The following GLIS3 variants were observed in gnomAD, a reference collection of about 807,000 sequenced individuals.
GLIS3 encodes GLIS family zinc finger 3.
A neutral mutation model predicts 78.6 loss-of-function variants in GLIS3; 53 were observed. That is an observed-to-expected ratio of 0.67 (90% CI 0.54 to 0.85). The LOEUF (loss-of-function observed/expected upper bound fraction) is 0.85, where lower values mean the gene tolerates loss of function less well. GLIS3 is among the 40% of genes least tolerant of loss of function. The probability of loss-of-function intolerance (pLI) is 0.00; values close to 1 mark genes in which losing one functional copy is unlikely to be tolerated. For synonymous variants in GLIS3, 684 were observed against 509.9 expected (o/e 1.34, Z -4.60); for missense variants, 1,703 against 1,231.1 (o/e 1.38, Z -5.74).
intron 2 of GLIS3, among the ~76,000 whole-genome samples, chr9:4,187,074 C>T (rs911664053): frequency 6.6e-6 from 1 of 152,166 alleles, no homozygotes; most frequent in Non-Finnish European, 1.5e-5. Context: ...CTTGCCCATG[C>T]CTATGTCCTG....
intron 4 of GLIS3, among the ~76,000 whole-genome samples, chr9:3,985,959 T>G (rs1819710933): frequency 6.6e-6 from 1 of 152,198 alleles, no homozygotes; most frequent in African/African-American, 2.4e-5. Context: ...AATTAAAAAT[T>G]CATTTGTGGA....
At chr9:3,848,299 A>C (rs942137905) in intron 9 of GLIS3, among the ~76,000 whole-genome samples, 7 of 152,094 alleles carry the variant, frequency 4.6e-5, no homozygotes, top group Non-Finnish European at 1.0e-4. Flanking sequence ...TCGGGAGTTC[A>C]AGAGCAGCCT....
chr9:3,847,046 C>T (rs4740741), intron 9 of GLIS3, among the ~76,000 whole-genome samples: 35,815 of 151,900 alleles, frequency 0.24, 4,399 homozygotes, highest in South Asian at 0.38. Flanking sequence ...TAGCCAGGTG[C>T]AGTGGCAAGC....
chr9:4,301,166 AGCCTGGTTT>A (rs1817055299), upstream of GLIS3, among the ~76,000 whole-genome samples: 2 of 151,600 alleles, frequency 1.3e-5, no homozygotes, highest in Non-Finnish European at 2.9e-5. Context: ...AACCAAAAGA[AGCCTGGTTT>A]CCACAGTACT....
intron 2 of GLIS3, among the ~76,000 whole-genome samples, chr9:4,213,893 C>G (rs1820584144): frequency 1.4e-5 from 2 of 146,484 alleles, no homozygotes; most frequent in Admixed American, 1.4e-4. Flanking sequence ...GGAGGTTATG[C>G]TTTAATAGGG....
At chr9:4,427,544 G>A in the GLIS3 span, among the ~76,000 whole-genome samples, 2 of 152,146 alleles carry the variant, frequency 1.3e-5, no homozygotes, top group African/African-American at 4.8e-5. Flanking sequence ...CATGTGACAA[G>A]AGATGCATAC....
At chr9:3,987,528 C>T (rs1819840308) in intron 4 of GLIS3, among the ~76,000 whole-genome samples, 1 of 151,312 alleles carries the variant, frequency 6.6e-6, no homozygotes, top group African/African-American at 2.4e-5. Context: ...ATGGTGAAAC[C>T]CTGTCTCTAC....
rs190008155 is a variant in GLIS3 at position 4,210,600 on chromosome 9, A to T, written c.388+75438T>A. ...CCCTGGGACTCTTTTCTTATGTGGG[A>T]ATTCTACAATGCAGAAAACTTAAGT... On this transcript the variant is annotated intron_variant, in intron 2 of 10. Transcript: ENST00000381971. 3.9e-5 allele frequency among the ~76,000 whole-genome samples: 6 copies of T among 152,294 alleles called. No individual in the cohort carries two copies. The East Asian group carries it at 1.2e-3, about 29-fold the overall frequency.
intron 2 of GLIS3, among the ~76,000 whole-genome samples, chr9:4,145,662 G>C (rs10119226): frequency 0.38 from 56,963 of 151,688 alleles, 11,159 homozygotes; most frequent in South Asian, 0.45. Context: ...CCCTCTGTCA[G>C]AGGGACCTAA....
intron 8 of GLIS3, among the ~76,000 whole-genome samples, chr9:3,857,372 TA>T (rs1748125076): frequency 6.6e-6 from 1 of 152,112 alleles, no homozygotes; most frequent in Non-Finnish European, 1.5e-5. Context: ...CCATAGATGA[TA>T]AAAAGGGAAG....
chr9:4,113,796 C>T (rs1239547191), intron 4 of GLIS3, among the ~76,000 whole-genome samples: 3 of 152,154 alleles, frequency 2.0e-5, no homozygotes, highest in Non-Finnish European at 4.4e-5. Flanking sequence ...TCCAATGTTA[C>T]TTAAAAAGCA....
chr9:3,920,697 T>C (rs1824829417), intron 6 of GLIS3, among the ~76,000 whole-genome samples: 1 of 151,520 alleles, frequency 6.6e-6, no homozygotes, highest in South Asian at 2.1e-4. Context: ...TGAAATCCGA[T>C]TTCTATATTT....
At chr9:4,046,739 C>A (rs1472704819) in intron 4 of GLIS3, among the ~76,000 whole-genome samples, 1 of 152,148 alleles carries the variant, frequency 6.6e-6, no homozygotes, top group Non-Finnish European at 1.5e-5. Context: ...AATGCAGGAA[C>A]TCTAAATTGT....
At chr9:4,387,648 A>C in the GLIS3 span, among the ~76,000 whole-genome samples, 2 of 152,198 alleles carry the variant, frequency 1.3e-5, no homozygotes. Flanking sequence ...CCTAAAATTA[A>C]ATAGATCAAA....
Position 3,884,619 on chromosome 9 carries a change from C to G in GLIS3, c.2129-5024G>C, listed in dbSNP as rs370654461. 4.6e-5 allele frequency among the ~76,000 whole-genome samples: 7 copies of G among 151,950 alleles called. No individual in the cohort carries two copies. In the East Asian group the frequency reaches 1.3e-3, roughly 29 times the overall value. On this transcript the variant is annotated intron_variant, in intron 7 of 10. Coordinates refer to ENST00000381971, the MANE Select transcript of GLIS3 (RefSeq NM_001042413.2). Reference sequence around the variant, plus strand: ...AGCTTCATTTCATCTTCTTGCTGCCCCTTGATACCTTGGAATCAATAGTTA... The same window carrying G: ...AGCTTCATTTCATCTTCTTGCTGCCGCTTGATACCTTGGAATCAATAGTTA...
chr9:4,001,100 C>T (rs72685683), intron 4 of GLIS3, among the ~76,000 whole-genome samples: 1 of 152,236 alleles, frequency 6.6e-6, no homozygotes, highest in Non-Finnish European at 1.5e-5. Context: ...ACGAGTAAGC[C>T]CTACTTCCTA....
At chr9:4,408,621 G>T in the GLIS3 span, among the ~76,000 whole-genome samples, 1 of 146,288 alleles carries the variant, frequency 6.8e-6, no homozygotes, top group Non-Finnish European at 1.5e-5. Context: ...CAGGTACTCG[G>T]GAGGCTGAGG....
chr9:4,300,207 TTCACACACAC>T (rs1246392348), upstream of GLIS3, among the ~76,000 whole-genome samples: 2 of 53,936 alleles, frequency 3.7e-5, no homozygotes, highest in Non-Finnish European at 7.6e-5. Context: ...TCTTGACGCA[TTCACACACAC>T]ACACACACAC....
intron 6 of GLIS3, among the ~76,000 whole-genome samples, chr9:3,907,888 C>A (rs886169989): frequency 6.6e-6 from 1 of 152,172 alleles, no homozygotes; most frequent in African/African-American, 2.4e-5. Context: ...TAAACTTACT[C>A]TGATTTGGTT....
Sources: gnomAD v4.1 joint callset for allele counts (sites outside exome capture counted in the v4.1 genomes callset) on GRCh38, gnomAD v4.1.1 for gene constraint, MANE v1.5 for transcripts, NCBI Gene and HGNC (gene_info 2026-07-23, HGNC 2026-07-21) for gene names.